The following LINGO2 variants were observed in gnomAD, a reference collection of about 807,000 sequenced individuals.
The protein encoded by LINGO2 is leucine rich repeat and Ig domain containing 2.
LINGO2 carries 14 observed loss-of-function variants against 30.6 expected under a neutral mutation model. The ratio of observed to expected loss-of-function variants is 0.46; its 90% confidence interval spans 0.30 to 0.72. The LOEUF (loss-of-function observed/expected upper bound fraction) is 0.72. Ranked by LOEUF, LINGO2 falls within the 30% of genes least tolerant of loss-of-function variation. The pLI is 0.07. For synonymous variants in LINGO2, 317 were observed against 288.5 expected (o/e 1.10, Z -1.00); for missense variants, 729 against 751.7 (o/e 0.97, Z 0.35).
the LINGO2 span, among the ~76,000 whole-genome samples, chr9:28,770,955 C>T: frequency 1.3e-5 from 2 of 152,102 alleles, no homozygotes; most frequent in East Asian, 3.9e-4. Context: ...ACTAACAGAC[C>T]TTGATTTAGG....
intron 4 of LINGO2, among the ~76,000 whole-genome samples, chr9:28,111,351 T>C (rs1354458590): frequency 1.3e-5 from 2 of 151,860 alleles, no homozygotes; most frequent in African/African-American, 4.8e-5. Context: ...CATGTATACC[T>C]ATGTAACAAA....
intron 4 of LINGO2, among the ~76,000 whole-genome samples, chr9:28,224,762 T>A (rs1329619896): frequency 6.6e-6 from 1 of 152,110 alleles, no homozygotes; most frequent in Non-Finnish European, 1.5e-5. Flanking sequence ...TTCACAAAGA[T>A]AGAATGAAGT....
the LINGO2 span, among the ~76,000 whole-genome samples, chr9:28,966,631 C>T: frequency 3.9e-5 from 6 of 152,008 alleles, no homozygotes; most frequent in African/African-American, 7.2e-5. Flanking sequence ...TGTCACTTAG[C>T]GTATGGTAGA....
intron 1 of LINGO2, among the ~76,000 whole-genome samples, chr9:28,543,648 G>A (rs1821803840): frequency 6.6e-6 from 1 of 152,062 alleles, no homozygotes. Flanking sequence ...TCTATATTTA[G>A]TGTGGGTCTA....
At chr9:28,693,030 T>G in the LINGO2 span, among the ~76,000 whole-genome samples, 1 of 152,116 alleles carries the variant, frequency 6.6e-6, no homozygotes, top group South Asian at 2.1e-4. Flanking sequence ...AAAAAAATTG[T>G]CATTTTTTTA....
intron 4 of LINGO2, among the ~76,000 whole-genome samples, chr9:28,212,884 T>C (rs1820639470): frequency 6.6e-6 from 1 of 151,354 alleles, no homozygotes; most frequent in South Asian, 2.1e-4. Context: ...GTGAATAAAT[T>C]TGTTTATCAA....
chr9:28,379,717 T>C (rs1821271197), intron 2 of LINGO2, among the ~76,000 whole-genome samples: 2 of 152,218 alleles, frequency 1.3e-5, no homozygotes, highest in South Asian at 4.1e-4. Flanking sequence ...TGCTTTACTT[T>C]TAAGTTGTCA....
chr9:29,094,989 C>T, the LINGO2 span, among the ~76,000 whole-genome samples: 1 of 133,314 alleles, frequency 7.5e-6, no homozygotes, highest in African/African-American at 2.8e-5. Context: ...AAAATATTCC[C>T]GTTTTTCATT....
At chr9:28,780,350 T>A in the LINGO2 span, among the ~76,000 whole-genome samples, 1 of 152,184 alleles carries the variant, frequency 6.6e-6, no homozygotes, top group Non-Finnish European at 1.5e-5. Flanking sequence ...AGTAAAATTT[T>A]TTTTTTCTTT....
At chr9:29,048,152 G>A in the LINGO2 span, among the ~76,000 whole-genome samples, 1 of 151,580 alleles carries the variant, frequency 6.6e-6, no homozygotes, top group South Asian at 2.1e-4. Flanking sequence ...AAATAAATCA[G>A]TGTCATTTCT....
rs141476292 is a variant in LINGO2, at chr9:28,178,792, G to A, written c.-87+116416C>T. 9.9e-5 allele frequency among the ~76,000 whole-genome samples: 15 copies of A among 152,254 alleles called. 1 individual carries two copies. Among genetic ancestry groups the A allele is most frequent in the African/African-American group, 3.6e-4 (15 of 41,566 alleles). The stretch of plus-strand genomic sequence containing the variant: ...TCGTGAATATTATTATTGGCAGCTG[G>A]AAGATTTCCAATCCATGAAACTTTC... On this transcript the variant is annotated intron_variant, in intron 4 of 5. Coordinates refer to ENST00000379992, the Ensembl canonical transcript of LINGO2.
intron 2 of LINGO2, among the ~76,000 whole-genome samples, chr9:28,374,228 A>ATATATATATATATG (rs1554713032): frequency 6.8e-6 from 1 of 146,980 alleles, no homozygotes; most frequent in Admixed American, 6.8e-5. Flanking sequence ...ATATATATAT[A>ATATATATATATATG]TATGTAATAT....
chr9:28,322,377 C>T (rs1028579670), intron 3 of LINGO2, among the ~76,000 whole-genome samples: 3 of 152,044 alleles, frequency 2.0e-5, no homozygotes. Flanking sequence ...ATATAAGATT[C>T]ACTGAGAATA....
the LINGO2 span, among the ~76,000 whole-genome samples, chr9:29,066,081 G>T: frequency 6.6e-6 from 1 of 151,872 alleles, no homozygotes; most frequent in South Asian, 2.1e-4. Context: ...GCTAAGTCAA[G>T]TATCATAAGG....
chr9:29,115,203 T>C, the LINGO2 span, among the ~76,000 whole-genome samples: 1 of 152,050 alleles, frequency 6.6e-6, no homozygotes, highest in South Asian at 2.1e-4. Flanking sequence ...ACAAGCAAAG[T>C]ATAGAAAAAT....
the LINGO2 span, among the ~76,000 whole-genome samples, chr9:28,711,928 A>C: frequency 6.6e-6 from 1 of 152,166 alleles, no homozygotes; most frequent in Non-Finnish European, 1.5e-5. Flanking sequence ...CTATACTTAC[A>C]ATGGCTCTAG....
At chr9:28,264,954 G>T (rs969844772) in intron 4 of LINGO2, among the ~76,000 whole-genome samples, 1 of 151,866 alleles carries the variant, frequency 6.6e-6, no homozygotes, top group African/African-American at 2.4e-5. Flanking sequence ...TAGAGAAGAA[G>T]AAATTCTGCC....
the LINGO2 span, among the ~76,000 whole-genome samples, chr9:29,081,705 CCTT>C: frequency 6.6e-6 from 1 of 152,146 alleles, no homozygotes. Flanking sequence ...CTCAAAATCT[CCTT>C]AAGCCGATAG....
the LINGO2 span, among the ~76,000 whole-genome samples, chr9:29,110,968 C>T: frequency 6.6e-6 from 1 of 151,836 alleles, no homozygotes; most frequent in Non-Finnish European, 1.5e-5. Flanking sequence ...GAATTACAGG[C>T]GTGAGCCACG....
Sources: gnomAD v4.1 joint callset for allele counts (sites outside exome capture counted in the v4.1 genomes callset) on GRCh38, gnomAD v4.1.1 for gene constraint, MANE v1.5 for transcripts, NCBI Gene and HGNC (gene_info 2026-07-23, HGNC 2026-07-21) for gene names.